Variants in CDC40 observed in about 807,000 individuals in gnomAD.
CDC40 encodes pre-mRNA-processing factor 17.
Under a neutral mutation model 80.6 loss-of-function variants are expected in CDC40, and 27 were observed. That is an observed-to-expected ratio of 0.33 (90% CI 0.25 to 0.46). The LOEUF (loss-of-function observed/expected upper bound fraction) is 0.46, where lower values mean the gene tolerates loss of function less well. CDC40 is among the 20% of genes least tolerant of loss of function. The pLI, the probability that CDC40 is intolerant of heterozygous loss-of-function variation, is 1.00. For synonymous variants in CDC40, 221 were observed against 232.6 expected, an observed-to-expected ratio of 0.95 and a Z score of 0.45; for missense variants, 486 against 694.1, an observed-to-expected ratio of 0.70 and a Z score of 3.37.
At position 110,201,534 on chromosome 6, in the gene CDC40, A is replaced by T. The variant is rs199575324; in HGVS notation, c.277-24A>T. On this transcript the variant is annotated intron_variant, in intron 2 of 14. Coordinates refer to ENST00000307731, the MANE Select transcript of CDC40 (RefSeq NM_015891.3). ...TTTTGTGTCTTTCTTATTTTATTTT[A>T]TTTTTTTTCTTGTAACATTGCAGTT... The T allele has an allele frequency of 5.6e-5, 85 of 1,529,362 alleles. No homozygotes were observed. In the East Asian group the frequency reaches 1.4e-3, roughly 25 times the overall value. The allele number at this position is 1,529,362 out of a possible 1,614,324, so 94.7% of individuals were successfully genotyped here. A position where few individuals can be genotyped will look rare whatever the true frequency, so the allele number is the denominator to read the frequency against.
intron 11 of CDC40, 39 bp downstream of exon 11, chr6:110,219,518 T>G (rs767410890): frequency 5.7e-6 from 7 of 1,225,758 alleles, no homozygotes; most frequent in Non-Finnish European, 8.4e-6. Context: ...CTCCTAAGCT[T>G]TATGTTGTAT....
At position 110,209,133 on chromosome 6, in the gene CDC40, G is replaced by T; in HGVS notation, c.540G>T (p.Lys180Asn). ...TGQKKTEKRK[K>N]FKENDASNID... ...AGAAGAAAACAGAAAAGAGGAAAAA[G>T]TTTAAAGAAAATGATGCATCCAATA... Residue 180 changes from lysine to asparagine, a missense_variant, in exon 5 of 15, where the codon AAG becomes AAT. Transcript: ENST00000307731. 1 of 1,603,716 alleles carries T rather than the reference G, an allele frequency of 6.2e-7. No homozygotes were observed. Among genetic ancestry groups the T allele is most frequent in the Non-Finnish European group, 8.5e-7 (1 of 1,171,114 alleles).
At chr6:110,180,982 G>A (rs1004754264) in intron 1 of CDC40, among the ~76,000 whole-genome samples, 2 of 152,216 alleles carry the variant, frequency 1.3e-5, no homozygotes, top group Non-Finnish European at 2.9e-5. Flanking sequence ...TGTGTGAGCA[G>A]TGGCCTCGAT....
chr6:110,205,344 GA>G (rs1212620477), intron 3 of CDC40, among the ~76,000 whole-genome samples: 1 of 152,188 alleles, frequency 6.6e-6, no homozygotes, highest in Non-Finnish European at 1.5e-5. Context: ...ACTTATTTGA[GA>G]CACAAGATAG....
intron 1 of CDC40, among the ~76,000 whole-genome samples, chr6:110,185,896 A>G (rs985479525): frequency 6.6e-6 from 1 of 152,190 alleles, no homozygotes; most frequent in African/African-American, 2.4e-5. Context: ...GGATTTTTAA[A>G]ATCATTACAT....
chr6:110,204,599 C>T (rs1018100097), intron 3 of CDC40, among the ~76,000 whole-genome samples: 8 of 150,472 alleles, frequency 5.3e-5, no homozygotes, highest in Non-Finnish European at 8.8e-5. Flanking sequence ...TATCAAATTG[C>T]TTTCCAAAAG....
intron 7 of CDC40, among the ~76,000 whole-genome samples, chr6:110,212,757 A>G (rs555034731): frequency 2.6e-5 from 4 of 152,190 alleles, no homozygotes; most frequent in Non-Finnish European, 5.9e-5. Context: ...TGTCATCTGT[A>G]CTATTCCAAC....
At chr6:110,217,365 C>A (rs1238844458) in intron 9 of CDC40, among the ~76,000 whole-genome samples, 1 of 152,164 alleles carries the variant, frequency 6.6e-6, no homozygotes, top group African/African-American at 2.4e-5. Context: ...TCCATAAATT[C>A]TTGGCTAGCT....
chr6:110,202,764 T>C (rs1777509876), intron 3 of CDC40, among the ~76,000 whole-genome samples: 1 of 152,142 alleles, frequency 6.6e-6, no homozygotes, highest in African/African-American at 2.4e-5. Flanking sequence ...GGACACAGGT[T>C]GAACTATTGA....
At chr6:110,213,895 C>T (rs1777668734) in intron 8 of CDC40, among the ~76,000 whole-genome samples, 11 of 152,048 alleles carry the variant, frequency 7.2e-5, no homozygotes, top group Admixed American at 6.6e-4. Context: ...GCATCTCAAC[C>T]TGAATATGCA....
At position 110,207,568 on chromosome 6, in the gene CDC40, G is replaced by A. The variant is rs1471800892; in HGVS notation, c.469G>A (p.Glu157Lys). Reference sequence around the variant, plus strand: ...GTCTGCTAAATATATTGGTTCTGTAGAAGAAGCTGAAAAAAATCAAGGTAA... The same window carrying A: ...GTCTGCTAAATATATTGGTTCTGTAAAAGAAGCTGAAAAAAATCAAGGTAA... ...QVSAKYIGSV[E>K]EAEKNQGLTV... is the part of the protein sequence containing the mutation. Residue 157 changes from glutamate (E) to lysine (K), a missense_variant, in exon 4 of 15, where the codon GAA (glutamate) becomes AAA (lysine). Transcript: ENST00000307731. 1 of 1,577,400 alleles carries A rather than the reference G, an allele frequency of 6.3e-7. No individual in the cohort carries two copies. Among genetic ancestry groups the A allele is most frequent in the African/African-American group, 1.3e-5 (1 of 74,116 alleles).
At chr6:110,196,415 C>T (rs1298160739) in intron 2 of CDC40, among the ~76,000 whole-genome samples, 3 of 152,178 alleles carry the variant, frequency 2.0e-5, no homozygotes, top group South Asian at 2.1e-4. Flanking sequence ...AACTCGAAGA[C>T]ATAGTAGCCA....
At chr6:110,210,552 GAAAAAAAAA>G (rs57785109) in intron 5 of CDC40, among the ~76,000 whole-genome samples, 146 bp from the exon 6 acceptor site, 1 of 64,468 alleles carries the variant, frequency 1.6e-5, no homozygotes, top group Non-Finnish European at 3.5e-5. Flanking sequence ...ACTCATCTCA[GAAAAAAAAA>G]AAAAAAAAAA....
intron 12 of CDC40, among the ~76,000 whole-genome samples, chr6:110,222,947 A>G (rs1777797122): frequency 6.6e-6 from 1 of 152,274 alleles, no homozygotes; most frequent in Non-Finnish European, 1.5e-5. Context: ...GTGCAAAGCA[A>G]TCTTATAAGA....
intron 10 of CDC40, among the ~76,000 whole-genome samples, chr6:110,218,281 A>G (rs1368374591): frequency 1.3e-5 from 2 of 152,198 alleles, no homozygotes; most frequent in African/African-American, 4.8e-5. Context: ...TGGCTAGTAT[A>G]ATTTTATGTA....
At chr6:110,216,828 A>G (rs1054098908) in intron 9 of CDC40, among the ~76,000 whole-genome samples, 3 of 152,186 alleles carry the variant, frequency 2.0e-5, no homozygotes, top group African/African-American at 7.2e-5. Context: ...TGAACTGGCA[A>G]TATTCATTTT....
At chr6:110,203,536 T>G (rs1173992039) in intron 3 of CDC40, among the ~76,000 whole-genome samples, 1 of 152,236 alleles carries the variant, frequency 6.6e-6, no homozygotes, top group Non-Finnish European at 1.5e-5. Context: ...CTCATAACCC[T>G]GGGCTATCAC....
intron 3 of CDC40, among the ~76,000 whole-genome samples, chr6:110,202,505 C>T (rs751717903): frequency 5.3e-5 from 8 of 152,136 alleles, no homozygotes; most frequent in African/African-American, 1.9e-4. Flanking sequence ...TTATTGTCTT[C>T]GACTTTAGAA....
intron 6 of CDC40, chr6:110,211,171 A>G (rs973742071): frequency 1.3e-5 from 2 of 152,694 alleles, no homozygotes; most frequent in African/African-American, 4.8e-5. Context: ...GAAGCCAAAT[A>G]CTCAGGTATC....
Sources: allele counts gnomAD v4.1 joint callset (sites outside exome capture counted in the v4.1 genomes callset), GRCh38; gene constraint gnomAD v4.1.1; transcripts MANE v1.5; gene names NCBI Gene and HGNC (gene_info 2026-07-23, HGNC 2026-07-21).